Variants in DENND5B observed in about 807,000 individuals in gnomAD.
The protein encoded by DENND5B is DENN domain containing 5B, also known as DENN domain-containing protein 5B.
Under a neutral mutation model 140.6 loss-of-function variants are expected in DENND5B, and 34 were observed. The ratio of observed to expected loss-of-function variants is 0.24; its 90% CI spans 0.18 to 0.32. The LOEUF (loss-of-function observed/expected upper bound fraction) is 0.32. DENND5B is among the 10% of genes least tolerant of loss of function. The pLI, the probability that DENND5B is intolerant of heterozygous loss-of-function variation, is 1.00. For synonymous variants in DENND5B, 551 were observed against 562.1 expected, an observed-to-expected ratio of 0.98 and a Z score of 0.28; for missense variants, 1,142 against 1,560.2, an observed-to-expected ratio of 0.73 and a Z score of 4.52.
chr12:31,510,719 G>A (rs1253576256), intron 1 of DENND5B, among the ~76,000 whole-genome samples: 1 of 152,108 alleles, frequency 6.6e-6, no homozygotes, highest in Non-Finnish European at 1.5e-5. Context: ...AAGGACTCGT[G>A]ATTATACAGG....
chr12:31,448,483 T>C (rs943224037), intron 5 of DENND5B, among the ~76,000 whole-genome samples: 2 of 152,224 alleles, frequency 1.3e-5, no homozygotes, highest in Non-Finnish European at 2.9e-5. Flanking sequence ...TGAAATATAC[T>C]TTCAAGCCAC....
chr12:31,434,425 G>T (rs1291558533), intron 7 of DENND5B, among the ~76,000 whole-genome samples: 1 of 152,138 alleles, frequency 6.6e-6, no homozygotes, highest in Non-Finnish European at 1.5e-5. Context: ...GTGCGTTCAA[G>T]GTGGTATGGC....
At chr12:31,484,910 T>C (rs1043268676) in intron 2 of DENND5B, among the ~76,000 whole-genome samples, 3 of 152,200 alleles carry the variant, frequency 2.0e-5, no homozygotes, top group African/African-American at 7.2e-5. Flanking sequence ...CAAATTGTCA[T>C]GTGCAACAAA....
intron 1 of DENND5B, among the ~76,000 whole-genome samples, chr12:31,513,259 T>A (rs963049780): frequency 2.6e-5 from 4 of 152,206 alleles, no homozygotes; most frequent in East Asian, 3.8e-4. Flanking sequence ...ACAGTTGATG[T>A]TAACCTTGAT....
intron 1 of DENND5B, among the ~76,000 whole-genome samples, chr12:31,498,055 C>T (rs1003545001): frequency 6.6e-6 from 1 of 152,010 alleles, no homozygotes; most frequent in Non-Finnish European, 1.5e-5. Flanking sequence ...AGAGAAAAAA[C>T]AAAATTCCTC....
intron 1 of DENND5B, among the ~76,000 whole-genome samples, chr12:31,514,990 G>A (rs1947571953): frequency 6.6e-6 from 1 of 152,092 alleles, no homozygotes; most frequent in African/African-American, 2.4e-5. Context: ...AGGCATGGTG[G>A]TGCACACCTG....
chr12:31,494,221 TC>T (rs1946675725), intron 2 of DENND5B, among the ~76,000 whole-genome samples: 1 of 106,496 alleles, frequency 9.4e-6, no homozygotes, highest in African/African-American at 3.5e-5. Context: ...CCTACCTACC[TC>T]TACCTACCTA....
At chr12:31,451,088 A>T (rs1373507512) in intron 5 of DENND5B, among the ~76,000 whole-genome samples, 2 of 152,220 alleles carry the variant, frequency 1.3e-5, no homozygotes, top group Non-Finnish European at 2.9e-5. Flanking sequence ...GAGATAGAGA[A>T]ATTTGGCTTC....
intron 14 of DENND5B, among the ~76,000 whole-genome samples, chr12:31,406,891 C>T (rs1166468438): frequency 6.6e-6 from 1 of 152,000 alleles, no homozygotes; most frequent in East Asian, 1.9e-4. Flanking sequence ...CCTCTGCCTC[C>T]CGGGTTCAAG....
At chr12:31,527,263 G>A (rs1167936487) in intron 1 of DENND5B, among the ~76,000 whole-genome samples, 1 of 152,134 alleles carries the variant, frequency 6.6e-6, no homozygotes, top group Non-Finnish European at 1.5e-5. Context: ...ATCCTTGGGG[G>A]GAAGAGCTTT....
At chr12:31,506,259 C>T (rs895791358) in intron 1 of DENND5B, 1 of 152,096 alleles carries the variant, frequency 6.6e-6, no homozygotes, top group African/African-American at 2.4e-5. Flanking sequence ...TTACCTAACA[C>T]TAAATATAGT....
intron 17 of DENND5B, among the ~76,000 whole-genome samples, chr12:31,394,029 A>G (rs1335022928): frequency 1.3e-5 from 2 of 149,246 alleles, no homozygotes; most frequent in Non-Finnish European, 3.0e-5. Flanking sequence ...TTTTTTCTAC[A>G]CTAATGCATA....
intron 3 of DENND5B, among the ~76,000 whole-genome samples, chr12:31,462,677 G>A (rs951881818): frequency 8.5e-5 from 13 of 152,096 alleles, no homozygotes; most frequent in African/African-American, 1.2e-4. Context: ...AAAAAAGGCC[G>A]GGCAGGCACA....
At chr12:31,411,465 C>T (rs1018185251) in intron 13 of DENND5B, among the ~76,000 whole-genome samples, 15 of 151,394 alleles carry the variant, frequency 9.9e-5, no homozygotes, top group African/African-American at 3.6e-4. Context: ...CTGCCTCTGC[C>T]TCCCAAGTAG....
chr12:31,541,036 C>CAA, intron 1 of DENND5B: 1 of 358,748 alleles, frequency 2.8e-6, no homozygotes, highest in Middle Eastern at 3.5e-4. Context: ...GTATCTCTTA[C>CAA]CATATAAAAA....
intron 14 of DENND5B, among the ~76,000 whole-genome samples, chr12:31,403,193 A>C (rs708198): frequency 0.93 from 141,055 of 152,110 alleles, 65,865 homozygotes; most frequent in East Asian, 0.99. Flanking sequence ...TAAACAATGG[A>C]ACCTCCACTC....
At chr12:31,404,439 G>C (rs1195059159) in intron 14 of DENND5B, among the ~76,000 whole-genome samples, 2 of 152,034 alleles carry the variant, frequency 1.3e-5, no homozygotes, top group Non-Finnish European at 2.9e-5. Flanking sequence ...TGGGACTACA[G>C]GTGCACGCTA....
At chr12:31,507,380 C>T (rs1565648579) in intron 1 of DENND5B, among the ~76,000 whole-genome samples, 1 of 152,158 alleles carries the variant, frequency 6.6e-6, no homozygotes, top group African/African-American at 2.4e-5. Flanking sequence ...TCAAGTGATC[C>T]TGCCTGGGCC....
chr12:31,402,771 A>G, intron 14 of DENND5B, 128 bp from the exon 15 acceptor site: 2 of 1,152,332 alleles, frequency 1.7e-6, no homozygotes, highest in Middle Eastern at 2.7e-4. Context: ...AGATGTACTT[A>G]TACGAAAAGT....
Sources: gnomAD v4.1 joint callset for allele counts (sites outside exome capture counted in the v4.1 genomes callset) on GRCh38, gnomAD v4.1.1 for gene constraint, MANE v1.5 for transcripts, NCBI Gene and HGNC (gene_info 2026-07-23, HGNC 2026-07-21) for gene names.